The following NRDE2 variants were observed in gnomAD, a reference collection of about 807,000 sequenced individuals.
The protein encoded by NRDE2 is nuclear exosome regulator NRDE2.
In NRDE2, 76 loss-of-function variants were observed where a neutral mutation model predicts 124.2. The observed-to-expected ratio is 0.61, with a 90% confidence interval of 0.51 to 0.74. The LOEUF is 0.74. Ranked by LOEUF, NRDE2 falls within the 30% of genes least tolerant of loss-of-function variation. The pLI is 0.00. For synonymous variants in NRDE2, 489 were observed against 528.1 expected (o/e 0.93, Z 1.01); for missense variants, 1,314 against 1,417.3 (o/e 0.93, Z 1.17).
At chr14:90,329,454 C>T (rs1282552169) in intron 1 of NRDE2, among the ~76,000 whole-genome samples, 1 of 152,046 alleles carries the variant, frequency 6.6e-6, no homozygotes, top group Non-Finnish European at 1.5e-5. Flanking sequence ...AATTCCAGAA[C>T]TTTGGGAGGC....
rs1169309365 is a variant in NRDE2 at position 90,316,595 on chromosome 14, C to T, written c.390G>A (p.Lys130=). ...CAACCTACTTCGGTTCCTCAGATTC[C>T]TTTTTACTGCCTCCAACGCCTCTGG... ...KPSRGVGGSK[K]ESEEPNQGNN... is the part of the protein sequence containing the mutation. Residue 130 remains lysine (K), a synonymous_variant, in exon 3 of 14, where the codon AAG becomes AAA. Transcript: ENST00000354366. 1.2e-6 allele frequency: 2 copies of T among 1,611,680 alleles called. No individual in the cohort carries two copies. Among genetic ancestry groups the T allele is most frequent in the Admixed American group, 3.4e-5 (2 of 59,320 alleles).
At chr14:90,282,213 G>A (rs1026724871) in intron 12 of NRDE2, among the ~76,000 whole-genome samples, 3 of 152,100 alleles carry the variant, frequency 2.0e-5, no homozygotes, top group African/African-American at 4.8e-5. Context: ...GCAGTGGCTC[G>A]CGCCCATGAT....
rs146349667 is a variant in NRDE2 at position 90,278,363 on chromosome 14, C to T, written c.3468G>A (p.Glu1156=). Residue 1156 remains glutamate (E), a synonymous_variant, in exon 14 of 14, where the codon GAG becomes GAA. Coordinates refer to ENST00000354366, the MANE Select transcript of NRDE2 (RefSeq NM_017970.4). The stretch of plus-strand genomic sequence containing the variant: ...AATCCTCCAGCAGCAGCTCCAGCTC[C>T]TCCAGCGGCAGGCGCACCCGGAGCT... ...EKELRVRLPL[E]ELELLLED is the part of the protein sequence containing the mutation. 1 of 1,614,086 alleles carries T rather than the reference C, an allele frequency of 6.2e-7. No individual in the cohort carries two copies. Among genetic ancestry groups the T allele is most frequent in the Non-Finnish European group, 8.5e-7 (1 of 1,180,032 alleles).
intron 7 of NRDE2, 58 bp downstream of exon 7, chr14:90,301,181 C>T: frequency 6.3e-7 from 1 of 1,575,428 alleles, no homozygotes. Context: ...ACACCTTCCC[C>T]CTCTCCCTCC....
At position 90,303,055 on chromosome 14, in the gene NRDE2, A is replaced by AGG; in HGVS notation, c.1074_1075dup (p.Leu359ProfsTer2). The stretch of plus-strand genomic sequence containing the variant: ...CAGCTTCTTCTCCAGAATGAGCTTC[A>AGG]GGGACCTCTTTCGCTTTTCCTGCTC... On this transcript the variant is annotated frameshift_variant, in exon 6 of 14. Coordinates refer to ENST00000354366, the MANE Select transcript of NRDE2 (RefSeq NM_017970.4). LOFTEE classifies it high-confidence loss of function. 2 of 1,613,990 alleles carry AGG rather than the reference A, an allele frequency of 1.2e-6. No individual in the cohort carries two copies. Among genetic ancestry groups the AGG allele is most frequent in the Non-Finnish European group, 1.7e-6 (2 of 1,180,028 alleles).
At chr14:90,312,990 T>C (rs1245115034) in intron 3 of NRDE2, among the ~76,000 whole-genome samples, 1 of 152,184 alleles carries the variant, frequency 6.6e-6, no homozygotes, top group Admixed American at 6.5e-5. Flanking sequence ...AATAATCAAG[T>C]GTGCTGCCCT....
chr14:90,311,378 C>A (rs951010617), intron 4 of NRDE2, among the ~76,000 whole-genome samples: 1 of 152,130 alleles, frequency 6.6e-6, no homozygotes, highest in Admixed American at 6.5e-5. Context: ...TTCCCATAAT[C>A]CCCACGTGTT....
At chr14:90,327,927 A>G (rs1885503243) in intron 1 of NRDE2, among the ~76,000 whole-genome samples, 1 of 152,060 alleles carries the variant, frequency 6.6e-6, no homozygotes, top group South Asian at 2.1e-4. Flanking sequence ...GCGGATCATG[A>G]GGTCAGGAGA....
Position 90,278,468 on chromosome 14 carries a change from G to A in NRDE2, c.3370-7C>T. ...CGGCGTCCAGGTACAACACCTAGGG[G>A]GCAGGCAGGAAGGCCGCCCCACTCA... On this transcript the variant is annotated splice_polypyrimidine_tract_variant and splice_region_variant and intron_variant, in intron 13 of 13. Coordinates refer to ENST00000354366, the MANE Select transcript of NRDE2 (RefSeq NM_017970.4). 8.1e-6 allele frequency: 13 copies of A among 1,613,630 alleles called. No individual in the cohort carries two copies. The highest frequency in any genetic ancestry group is 1.1e-5 in the Non-Finnish European group (13 of 1,179,706).
At position 90,278,870 on chromosome 14, in the gene NRDE2, T is replaced by G. The variant is rs1047988006; in HGVS notation, c.3369+192A>C. On this transcript the variant is annotated intron_variant, in intron 13 of 13. Transcript: ENST00000354366. ...ACTTCCATGAAGCACCAGCCCCAGG[T>G]AGGGCCAGGCTCTGACTCCACAGGG... 3 of 643,828 alleles carry G rather than the reference T, an allele frequency of 4.7e-6. No homozygotes were observed. In the South Asian group the frequency reaches 5.8e-5, roughly 13 times the overall value. 39.9% of individuals were successfully genotyped at this position (643,828 alleles called of 1,614,324 possible).
chr14:90,305,322 C>T (rs1186606147), intron 4 of NRDE2, among the ~76,000 whole-genome samples: 5 of 152,318 alleles, frequency 3.3e-5, no homozygotes, highest in African/African-American at 4.8e-5. Flanking sequence ...CCGCTGTCAG[C>T]GGGAATGTAA....
chr14:90,305,422 A>C (rs1884562485), intron 4 of NRDE2, among the ~76,000 whole-genome samples: 1 of 152,256 alleles, frequency 6.6e-6, no homozygotes, highest in African/African-American at 2.4e-5. Context: ...CTATTCCTAC[A>C]TATTTACCCA....
chr14:90,292,718 G>T lies in NRDE2; in HGVS notation c.1821C>A (p.Asp607Glu). Residue 607 changes from aspartate (D) to glutamate (E), a missense_variant, in exon 9 of 14, where the codon GAC (aspartate) becomes GAA (glutamate). Asp to Glu is a conservative substitution (Grantham distance 45, BLOSUM62 2). Coordinates refer to ENST00000354366, the MANE Select transcript of NRDE2 (RefSeq NM_017970.4). Reference protein sequence around the residue: ...PDKTKKQTEEDCEDPERQVLF... With the variant: ...PDKTKKQTEEECEDPERQVLF... Reference sequence around the variant, plus strand: ...ATGCCTGTCTCTCGGGATCCTCACAGTCTTCCTCGGTTTGCTTCTTGGTCT... The same window carrying T: ...ATGCCTGTCTCTCGGGATCCTCACATTCTTCCTCGGTTTGCTTCTTGGTCT... 1.2e-6 allele frequency: 2 copies of T among 1,614,120 alleles called. No homozygotes were observed. Among genetic ancestry groups the T allele is most frequent in the Non-Finnish European group, 8.5e-7 (1 of 1,179,960 alleles).
chr14:90,328,987 G>C (rs1353872646), intron 1 of NRDE2, among the ~76,000 whole-genome samples: 1 of 152,154 alleles, frequency 6.6e-6, no homozygotes, highest in Non-Finnish European at 1.5e-5. Context: ...ACACTGACTG[G>C]TAAGTGAAAA....
chr14:90,269,469 A>G lies in NRDE2; in HGVS notation c.*8867T>C. Reference sequence around the variant, plus strand: ...TGGAACTGCTGAACCAGTTGGATGGATTTGATTCTAGGGGAGATGTGAAAG... The same window carrying G: ...TGGAACTGCTGAACCAGTTGGATGGGTTTGATTCTAGGGGAGATGTGAAAG... On this transcript the variant is annotated 3_prime_UTR_variant, in exon 14 of 14. Transcript: ENST00000354366. 1 of 1,613,164 alleles carries G rather than the reference A, an allele frequency of 6.2e-7. No individual in the cohort carries two copies. The highest frequency in any genetic ancestry group is 8.5e-7 in the Non-Finnish European group (1 of 1,179,766).
At chr14:90,314,692 A>C (rs1482256302) in intron 3 of NRDE2, among the ~76,000 whole-genome samples, 1 of 152,232 alleles carries the variant, frequency 6.6e-6, no homozygotes, top group Non-Finnish European at 1.5e-5. Flanking sequence ...AAAGGTAAGG[A>C]CACCAATAAC....
intron 8 of NRDE2, among the ~76,000 whole-genome samples, chr14:90,296,863 G>T (rs913368525): frequency 6.6e-6 from 1 of 152,210 alleles, no homozygotes; most frequent in Non-Finnish European, 1.5e-5. Flanking sequence ...TCTGGGCTGG[G>T]TGCGGTGGCT....
At chr14:90,288,038 C>T (rs1339257640) in intron 11 of NRDE2, among the ~76,000 whole-genome samples, 179 bp downstream of exon 11, 1 of 152,232 alleles carries the variant, frequency 6.6e-6, no homozygotes, top group Non-Finnish European at 1.5e-5. Flanking sequence ...GGCGCCGCTA[C>T]TTTGTGTCTC....
intron 7 of NRDE2, among the ~76,000 whole-genome samples, chr14:90,299,220 G>T (rs1193986223): frequency 1.3e-5 from 2 of 151,906 alleles, no homozygotes; most frequent in Admixed American, 6.6e-5. Context: ...CTAATTTTGT[G>T]TTTTTTTAGT....
Sources: allele counts gnomAD v4.1 joint callset (sites outside exome capture counted in the v4.1 genomes callset), GRCh38; gene constraint gnomAD v4.1.1; transcripts MANE v1.5; gene names NCBI Gene and HGNC (gene_info 2026-07-23, HGNC 2026-07-21).